The following P2RY8 variants were observed in gnomAD, a reference collection of about 807,000 sequenced individuals.
The protein encoded by P2RY8 is P2Y receptor family member 8.
In P2RY8, 6 loss-of-function variants were observed where a neutral mutation model predicts 10.0. The ratio of observed to expected loss-of-function variants is 0.60; its 90% confidence interval spans 0.33 to 1.19. The LOEUF (loss-of-function observed/expected upper bound fraction) is 1.19, where lower values mean the gene tolerates loss of function less well. Ranked by LOEUF, P2RY8 falls within the 50% of genes most tolerant of loss-of-function variation. The pLI, the probability that P2RY8 is intolerant of heterozygous loss-of-function variation, is 0.04. For synonymous variants in P2RY8, 276 were observed against 252.5 expected, an observed-to-expected ratio of 1.09 and a Z score of -0.88; for missense variants, 456 against 542.0, an observed-to-expected ratio of 0.84 and a Z score of 1.58.
At chrX:1,536,182 T>C (rs1296166480) in intron 1 of P2RY8, among the ~76,000 whole-genome samples, 8 of 151,882 alleles carry the variant, frequency 5.3e-5, no homozygotes, top group Non-Finnish European at 1.2e-4. Context: ...CAGGCGTAAA[T>C]GGGTTACGTG....
chrX:1,469,347 G>A (rs149487374), intron 1 of P2RY8, among the ~76,000 whole-genome samples: 4,369 of 150,926 alleles, frequency 0.029, 204 homozygotes, highest in African/African-American at 0.1. Flanking sequence ...ACTTTTTGTA[G>A]CCCCAAAAAG....
At chrX:1,500,739 C>T (rs762297197) in intron 1 of P2RY8, among the ~76,000 whole-genome samples, 8 of 152,210 alleles carry the variant, frequency 5.3e-5, no homozygotes, top group Admixed American at 2.0e-4. Context: ...AGAGGCCCTG[C>T]GCCCGGCCAC....
At chrX:1,478,200 T>A (rs374263827) in intron 1 of P2RY8, among the ~76,000 whole-genome samples, 3 of 151,840 alleles carry the variant, frequency 2.0e-5, no homozygotes, top group Admixed American at 6.6e-5. Flanking sequence ...CATTTCTCTG[T>A]ATGATGGACA....
intron 1 of P2RY8, among the ~76,000 whole-genome samples, chrX:1,524,757 C>G (rs1394464829): frequency 1.0e-5 from 1 of 96,920 alleles, no homozygotes; most frequent in Non-Finnish European, 2.5e-5. Context: ...ATCCATCCAT[C>G]CATCCATCCA....
intron 1 of P2RY8, among the ~76,000 whole-genome samples, chrX:1,493,785 G>A (rs774495994): frequency 6.6e-6 from 1 of 152,152 alleles, no homozygotes; most frequent in Non-Finnish European, 1.5e-5. Context: ...CGGACAAGAC[G>A]ATTTTGCTCT....
intron 1 of P2RY8, among the ~76,000 whole-genome samples, chrX:1,475,495 C>T (rs1259787466): frequency 6.6e-6 from 1 of 151,756 alleles, no homozygotes; most frequent in Non-Finnish European, 1.5e-5. Flanking sequence ...GAATGCATTG[C>T]TGTTATTTAA....
rs1381780435 is a variant in P2RY8 at position 1,464,044 on chromosome X, T to C, written c.*1435A>G. ...GATGACGGCAGGAGAGAGGCACCAA[T>C]AGAGGGCCTCCGAACAGCAGCTTCA... is the stretch of plus-strand genomic sequence containing the variant. On this transcript the variant is annotated 3_prime_UTR_variant, in exon 2 of 2. Coordinates refer to ENST00000381297, the MANE Select transcript of P2RY8 (RefSeq NM_178129.5). The C allele has an allele frequency of 3.0e-5, 7 of 233,140 alleles. No homozygotes were observed. Among genetic ancestry groups the C allele is most frequent in the Non-Finnish European group, 5.1e-5 (6 of 118,042 alleles). 14.4% of individuals were successfully genotyped at this position (233,140 alleles called of 1,614,324 possible).
chrX:1,488,340 C>T (rs1385800558), intron 1 of P2RY8, among the ~76,000 whole-genome samples: 3 of 152,128 alleles, frequency 2.0e-5, no homozygotes, highest in South Asian at 4.1e-4. Context: ...TTCCCCTGCT[C>T]GCTGTCAGGC....
chrX:1,509,117 A>ATCTATCTATCTG, intron 1 of P2RY8, among the ~76,000 whole-genome samples: 1 of 151,790 alleles, frequency 6.6e-6, no homozygotes, highest in Non-Finnish European at 1.5e-5. Flanking sequence ...CTATCTATCT[A>ATCTATCTATCTG]TCTATCTATC....
At chrX:1,497,871 G>C (rs139744765) in intron 1 of P2RY8, among the ~76,000 whole-genome samples, 1,893 of 152,088 alleles carry the variant, frequency 0.012, 39 homozygotes, top group African/African-American at 0.044. Flanking sequence ...CAGCCTAGCG[G>C]GTCCTTGCCA....
intron 1 of P2RY8, among the ~76,000 whole-genome samples, chrX:1,520,239 T>A (rs2092381171): frequency 6.6e-6 from 1 of 150,504 alleles, no homozygotes; most frequent in Non-Finnish European, 1.5e-5. Context: ...TCCCCAATAA[T>A]CTCTCTGATC....
chrX:1,470,376 G>T (rs1328862039), intron 1 of P2RY8, among the ~76,000 whole-genome samples: 2 of 152,082 alleles, frequency 1.3e-5, no homozygotes, highest in African/African-American at 2.4e-5. Context: ...TTAACCGGGT[G>T]TTGTGGCACA....
intron 1 of P2RY8, among the ~76,000 whole-genome samples, chrX:1,535,233 G>C (rs764844508): frequency 1.3e-4 from 15 of 114,120 alleles, no homozygotes; most frequent in African/African-American, 5.2e-4. Context: ...TGTCACCCAG[G>C]CTGGAGTGCA....
chrX:1,520,029 ATC>A (rs1383223945), intron 1 of P2RY8, among the ~76,000 whole-genome samples: 2 of 140,508 alleles, frequency 1.4e-5, no homozygotes, highest in African/African-American at 2.7e-5. Context: ...GTCCTCAATC[ATC>A]TCTCTCTGGT....
chrX:1,509,196 T>TATCTATCTATCC, intron 1 of P2RY8, among the ~76,000 whole-genome samples: 1 of 134,570 alleles, frequency 7.4e-6, no homozygotes, highest in South Asian at 2.3e-4. Flanking sequence ...TCTATCCATC[T>TATCTATCTATCC]ATGTATCTAC....
intron 1 of P2RY8, among the ~76,000 whole-genome samples, chrX:1,515,955 G>GA (rs1194594896): frequency 8.8e-6 from 1 of 113,592 alleles, no homozygotes; most frequent in Non-Finnish European, 1.8e-5. Context: ...GTCGGGGGGT[G>GA]GTGGATCACC....
chrX:1,536,321 G>A (rs2092526655), intron 1 of P2RY8, among the ~76,000 whole-genome samples: 1 of 151,816 alleles, frequency 6.6e-6, no homozygotes, highest in Non-Finnish European at 1.5e-5. Context: ...GAGTGCAGTG[G>A]CGTGATCTCT....
rs780716918 is a variant in P2RY8 at position 1,465,748 on chromosome X, A to G, written c.811T>C (p.Tyr271His). 1 of 1,613,690 alleles carries G rather than the reference A, an allele frequency of 6.2e-7. No individual in the cohort carries two copies. ...AGCGTGAGCTTGTACACGTGGTAGT[A>G]GCTCTTGCCGTAGAACAGGCGGCTC... Reference protein sequence around the residue: ...IVSRLFYGKSYYHVYKLTLCL... With the variant: ...IVSRLFYGKSHYHVYKLTLCL... Residue 271 changes from tyrosine to histidine, a missense_variant, in exon 2 of 2, where the codon TAC becomes CAC. Physicochemically the swap from Tyr to His is moderately conservative, Grantham distance 83 (BLOSUM62 2). Coordinates refer to ENST00000381297, the MANE Select transcript of P2RY8 (RefSeq NM_178129.5).
chrX:1,519,036 G>C (rs1174387594), intron 1 of P2RY8, among the ~76,000 whole-genome samples: 1 of 148,640 alleles, frequency 6.7e-6, no homozygotes, highest in African/African-American at 2.5e-5. Context: ...AATCTCTCTG[G>C]TCCCCAGTAA....
Sources: allele counts gnomAD v4.1 joint callset (sites outside exome capture counted in the v4.1 genomes callset), GRCh38; gene constraint gnomAD v4.1.1; transcripts MANE v1.5; gene names NCBI Gene and HGNC (gene_info 2026-07-23, HGNC 2026-07-21).